FANCD2OS: variants seen among roughly 807,000 people sequenced by gnomAD.
FANCD2OS encodes the protein FANCD2 opposite strand.
Under a neutral mutation model 13.2 loss-of-function variants are expected in FANCD2OS, and 11 were observed. That is an observed-to-expected ratio of 0.83 (90% CI 0.52 to 1.38). The LOEUF is 1.38. Among genes scored for constraint, FANCD2OS ranks in the 40% most tolerant of loss-of-function variants. The probability of loss-of-function intolerance (pLI) is 0.00; values close to 1 mark genes in which losing one functional copy is unlikely to be tolerated. For missense variants in FANCD2OS, 217 were observed against 213.9 expected (o/e 1.01, Z -0.09); for synonymous variants, 69 against 84.5 (o/e 0.82, Z 1.01).
intron 2 of FANCD2OS, among the ~76,000 whole-genome samples, chr3:10,091,207 A>G (rs1027871991): frequency 6.7e-6 from 1 of 150,130 alleles, no homozygotes; most frequent in Non-Finnish European, 1.5e-5. Flanking sequence ...CAGCCTCCCA[A>G]ATAGCTGGGA....
chr3:10,082,499 T>G (rs1456715232), intron 2 of FANCD2OS, among the ~76,000 whole-genome samples: 6 of 152,212 alleles, frequency 3.9e-5, no homozygotes, highest in African/African-American at 1.4e-4. Flanking sequence ...TAAAACTCTC[T>G]TACCTAGCCT....
Position 10,093,440 on chromosome 3 carries a change from C to T in FANCD2OS, c.*43+10758G>A, listed in dbSNP as rs992289420. ...GCCCACAAGCCAGAGTTTCCAGAAT[C>T]TATGCCAGTTTAGGGAAGGCAATGG... On this transcript the variant is annotated intron_variant, in intron 2 of 2. Coordinates refer to the FANCD2OS transcript ENST00000524279. The T allele has an allele frequency of 5.5e-6, 5 of 903,246 alleles. No homozygotes were observed. In the Admixed American group the frequency reaches 8.7e-5, roughly 16 times the overall value. The allele number at this position is 903,246 out of a possible 1,614,324, so 56.0% of individuals were successfully genotyped here.
chr3:10,083,676 C>G (rs1245309725), intron 2 of FANCD2OS: 2 of 152,098 alleles, frequency 1.3e-5, no homozygotes, highest in East Asian at 3.9e-4. Flanking sequence ...ATCATGAGGT[C>G]AGGAGATCGA....
chr3:10,084,227 C>T (rs375948560), intron 2 of FANCD2OS, among the ~76,000 whole-genome samples: 5 of 151,218 alleles, frequency 3.3e-5, no homozygotes, highest in Non-Finnish European at 4.4e-5. Flanking sequence ...CTCCTGACCC[C>T]GTGATCTACC....
At position 10,104,681 on chromosome 3, in the gene FANCD2OS, G is replaced by A. The variant is rs1400321782; in HGVS notation, c.94C>T (p.Pro32Ser). 3 of 1,614,108 alleles carry A rather than the reference G, an allele frequency of 1.9e-6. No homozygotes were observed. The highest frequency in any genetic ancestry group is 1.7e-6 in the Non-Finnish European group (2 of 1,179,998). The change falls in exon 2 of 2, where the codon CCA becomes TCA. Residue 32 changes from proline to serine, a missense_variant. Coordinates refer to ENST00000450660, the MANE Select transcript of FANCD2OS (RefSeq NM_001164839.2). ...GGGAAGCAGGGGGAGGCCTTGAATG[G>A]GTGCTTGGAGGAAGGTGTAGGTGTC... ...HTTPTPSSKH[P>S]FKASPCFPHT...
downstream of FANCD2OS, among the ~76,000 whole-genome samples, chr3:10,099,844 C>T (rs1695199524): frequency 6.6e-6 from 1 of 152,212 alleles, no homozygotes; most frequent in Non-Finnish European, 1.5e-5. Context: ...TTAAGAACCC[C>T]TGCTGTGGGG....
At chr3:10,099,163 C>A (rs1273064202), downstream of FANCD2OS, 4 of 1,437,274 alleles carry the variant, frequency 2.8e-6, no homozygotes, top group Non-Finnish European at 3.6e-6. Flanking sequence ...ATGAGTTAAA[C>A]CATTTAAACA....
rs760800033 is a variant in FANCD2OS at position 10,096,340 on chromosome 3, G to A, written c.*43+7858C>T. 8 of 1,613,944 alleles carry A rather than the reference G, an allele frequency of 5.0e-6. 1 individual carries two copies. The Admixed American group carries it at 8.3e-5, about 17-fold the overall frequency. ...TTTCCATTCAGATTCACCAGGACACGAGACTCACCCAACATGTGCCTCTGC... is the reference window on the plus strand; with the variant it reads ...TTTCCATTCAGATTCACCAGGACACAAGACTCACCCAACATGTGCCTCTGC... On this transcript the variant is annotated intron_variant, in intron 2 of 2. Transcript: ENST00000524279.
intron 2 of FANCD2OS, chr3:10,096,497 T>A: frequency 6.2e-7 from 1 of 1,611,498 alleles, no homozygotes; most frequent in Non-Finnish European, 8.5e-7. Context: ...CTGCTAGTGA[T>A]AATCCCCTAC....
At chr3:10,083,720 G>C (rs7639696) in intron 2 of FANCD2OS, 35,434 of 151,292 alleles carry the variant, frequency 0.23, 5,508 homozygotes, top group African/African-American at 0.45. Context: ...AACTCCGTCT[G>C]TACTAAAAAT....
At chr3:10,100,818 C>G (rs1695256611), downstream of FANCD2OS, among the ~76,000 whole-genome samples, 1 of 152,148 alleles carries the variant, frequency 6.6e-6, no homozygotes, top group South Asian at 2.1e-4. Context: ...GCCTGTAATC[C>G]TAGCACTTTG....
chr3:10,096,223 T>C (rs1323896769), intron 2 of FANCD2OS: 2 of 1,220,780 alleles, frequency 1.6e-6, no homozygotes, highest in Non-Finnish European at 2.4e-6. Flanking sequence ...TGGCCCATAC[T>C]GGCAGGGCTT....
chr3:10,092,805 C>T (rs1026207580), intron 2 of FANCD2OS, among the ~76,000 whole-genome samples: 2 of 149,022 alleles, frequency 1.3e-5, no homozygotes, highest in Non-Finnish European at 3.0e-5. Context: ...AATCTTCCCA[C>T]TGAAGCCTCT....
chr3:10,101,152 C>G (rs1695275616), downstream of FANCD2OS: 6 of 1,526,414 alleles, frequency 3.9e-6, no homozygotes, highest in Non-Finnish European at 5.5e-6. Context: ...AGAGCAGTAA[C>G]CTAAAATGCT....
At chr3:10,088,648 C>A in intron 2 of FANCD2OS, 1 of 1,086,424 alleles carries the variant, frequency 9.2e-7, no homozygotes, top group Non-Finnish European at 1.4e-6. Context: ...AATTTGAAAA[C>A]AATGAAGTAG....
chr3:10,088,905 A>G lies in FANCD2OS; in HGVS notation c.*44-7374T>C, dbSNP rs771903324. On this transcript the variant is annotated intron_variant, in intron 2 of 2. Coordinates refer to the FANCD2OS transcript ENST00000524279. The stretch of plus-strand genomic sequence containing the variant: ...GGTGTTGGTGTCCCAGAACTGATCA[A>G]CTCTCCTAAAGATGCATCTTCCTCC... 5.0e-6 allele frequency: 8 copies of G among 1,613,842 alleles called. No individual in the cohort carries two copies. The highest frequency in any genetic ancestry group is 2.7e-5 in the African/African-American group (2 of 74,868).
At chr3:10,084,032 C>T (rs1040654256) in intron 2 of FANCD2OS, among the ~76,000 whole-genome samples, 2 of 151,584 alleles carry the variant, frequency 1.3e-5, no homozygotes, top group Non-Finnish European at 2.9e-5. Flanking sequence ...CTCACTCTGT[C>T]GCTCAGGCTG....
At chr3:10,095,994 A>G (rs935772563) in intron 2 of FANCD2OS, among the ~76,000 whole-genome samples, 6 of 149,944 alleles carry the variant, frequency 4.0e-5, no homozygotes, top group African/African-American at 1.5e-4. Context: ...GTGAATGTTT[A>G]AGGAATTCTC....
Position 10,104,525 on chromosome 3 carries a change from T to TCAAA in FANCD2OS, c.249_250insTTTG (p.Asn84PhefsTer49). On this transcript the variant is annotated frameshift_variant, in exon 2 of 2. Transcript: ENST00000450660. LOFTEE classifies it high-confidence loss of function. ...TGGGGCTTCCTGACCAGTCCTTTGTTGTTCATCGTGCGCAACTCTGATGTG... is the reference window on the plus strand; with the variant it reads ...TGGGGCTTCCTGACCAGTCCTTTGTTCAAAGTTCATCGTGCGCAACTCTGATGTG... The TCAAA allele has an allele frequency of 6.2e-7, 1 of 1,614,164 alleles. No homozygotes were observed. Among genetic ancestry groups the TCAAA allele is most frequent in the Non-Finnish European group, 8.5e-7 (1 of 1,180,028 alleles).
Sources: allele counts gnomAD v4.1 joint callset (sites outside exome capture counted in the v4.1 genomes callset), GRCh38; gene constraint gnomAD v4.1.1; transcripts MANE v1.5; gene names NCBI Gene and HGNC (gene_info 2026-07-23, HGNC 2026-07-21).